Variants in CDH8 observed in about 807,000 individuals in gnomAD.
The protein encoded by CDH8 is cadherin 8.
CDH8 carries 17 observed loss-of-function variants against 68.1 expected under a neutral mutation model. The ratio of observed to expected loss-of-function variants is 0.25; its 90% CI spans 0.17 to 0.37. The LOEUF is 0.37. Ranked by LOEUF, CDH8 falls within the 10% of genes least tolerant of loss-of-function variation. CDH8 has a pLI of 1.00. For missense variants in CDH8, 763 were observed against 999.3 expected (o/e 0.76, Z 3.19); for synonymous variants, 372 against 365.1 (o/e 1.02, Z -0.21).
intron 3 of CDH8, among the ~76,000 whole-genome samples, chr16:61,888,615 C>T (rs1174048808): frequency 1.3e-5 from 2 of 152,070 alleles, no homozygotes; most frequent in African/African-American, 4.8e-5. Flanking sequence ...TAAAATTCAC[C>T]TCCTAAGGTT....
intron 2 of CDH8, among the ~76,000 whole-genome samples, chr16:61,911,664 G>A (rs1014166004): frequency 1.1e-4 from 16 of 150,452 alleles, no homozygotes; most frequent in African/African-American, 3.9e-4. Flanking sequence ...CTCTTGATAG[G>A]TAGATGAATA....
chr16:61,765,253 G>GA (rs922758389), intron 8 of CDH8, among the ~76,000 whole-genome samples: 60 of 151,860 alleles, frequency 4.0e-4, no homozygotes, highest in African/African-American at 1.2e-3. Flanking sequence ...AATTTTTCTA[G>GA]AAAAAAATAA....
At chr16:61,685,100 T>C (rs1414139803) in intron 10 of CDH8, among the ~76,000 whole-genome samples, 1 of 151,484 alleles carries the variant, frequency 6.6e-6, no homozygotes, top group Non-Finnish European at 1.5e-5. Flanking sequence ...GTTTCCTTGG[T>C]ACATCTTTGG....
At chr16:61,878,611 T>C (rs1044986756) in intron 3 of CDH8, among the ~76,000 whole-genome samples, 1 of 152,176 alleles carries the variant, frequency 6.6e-6, no homozygotes, top group Non-Finnish European at 1.5e-5. Flanking sequence ...GTAATGATGA[T>C]GATAATGATG....
At chr16:62,018,158 A>T (rs752669047) in intron 2 of CDH8, among the ~76,000 whole-genome samples, 1 of 152,234 alleles carries the variant, frequency 6.6e-6, no homozygotes, top group Admixed American at 6.5e-5. Flanking sequence ...GAAAGTGGCC[A>T]AGCTCATATT....
intron 7 of CDH8, among the ~76,000 whole-genome samples, chr16:61,810,228 T>C (rs1234330317): frequency 6.6e-6 from 1 of 152,304 alleles, no homozygotes; most frequent in East Asian, 1.9e-4. Flanking sequence ...GCTTTTGTTA[T>C]TATGCCTAAA....
chr16:61,665,449 A>G (rs569176284), intron 10 of CDH8, among the ~76,000 whole-genome samples: 15 of 152,170 alleles, frequency 9.9e-5, no homozygotes, highest in African/African-American at 1.9e-4. Context: ...TGGGATTTGA[A>G]CAATGAGAAC....
At chr16:61,704,792 G>A (rs1340878252) in intron 10 of CDH8, among the ~76,000 whole-genome samples, 1 of 152,126 alleles carries the variant, frequency 6.6e-6, no homozygotes, top group Non-Finnish European at 1.5e-5. Context: ...TCAGTATGTT[G>A]GGATAGATGA....
intron 2 of CDH8, among the ~76,000 whole-genome samples, chr16:61,975,099 G>A (rs1324352573): frequency 6.6e-6 from 1 of 152,110 alleles, no homozygotes; most frequent in Non-Finnish European, 1.5e-5. Context: ...GTGGTACAAA[G>A]AATTTCATTT....
chr16:61,988,866 AG>A (rs796467053), intron 2 of CDH8, among the ~76,000 whole-genome samples: 3 of 152,314 alleles, frequency 2.0e-5, no homozygotes, highest in African/African-American at 7.2e-5. Context: ...TAGGCTAAGC[AG>A]GAACATAAAG....
At chr16:61,849,278 T>C (rs1479702025) in intron 4 of CDH8, among the ~76,000 whole-genome samples, 2 of 151,774 alleles carry the variant, frequency 1.3e-5, no homozygotes, top group Non-Finnish European at 2.9e-5. Context: ...CCTGTCTTCT[T>C]ACTCCAAAAA....
chr16:61,712,993 G>A (rs1964659539), intron 10 of CDH8, among the ~76,000 whole-genome samples: 1 of 151,414 alleles, frequency 6.6e-6, no homozygotes, highest in Admixed American at 6.6e-5. Context: ...ACAGACCATT[G>A]AGAGACCTAA....
At chr16:61,933,547 T>A (rs965589721) in intron 2 of CDH8, among the ~76,000 whole-genome samples, 3 of 152,206 alleles carry the variant, frequency 2.0e-5, no homozygotes, top group Non-Finnish European at 4.4e-5. Flanking sequence ...TATATCTTTT[T>A]AAATATGTAG....
intron 2 of CDH8, among the ~76,000 whole-genome samples, chr16:61,980,295 C>G (rs1400701036): frequency 6.6e-6 from 1 of 152,130 alleles, no homozygotes; most frequent in African/African-American, 2.4e-5. Flanking sequence ...ATCTCTGTGC[C>G]AGAATGGAGG....
At chr16:61,908,537 A>G (rs1422185127) in intron 2 of CDH8, among the ~76,000 whole-genome samples, 1 of 152,200 alleles carries the variant, frequency 6.6e-6, no homozygotes, top group Non-Finnish European at 1.5e-5. Flanking sequence ...CTTCTTTCAT[A>G]CTACAGAATA....
At chr16:61,824,336 T>C (rs896334994) in intron 5 of CDH8, among the ~76,000 whole-genome samples, 3 of 151,892 alleles carry the variant, frequency 2.0e-5, no homozygotes, top group African/African-American at 7.2e-5. Flanking sequence ...GTTTTCACTT[T>C]TTCATGTTTC....
chr16:62,034,575 C>A (rs561897765), intron 1 of CDH8, among the ~76,000 whole-genome samples: 19 of 152,214 alleles, frequency 1.2e-4, no homozygotes, highest in Admixed American at 1.2e-3. Flanking sequence ...ACAGTACTCT[C>A]GCTTACCTTC....
intron 10 of CDH8, among the ~76,000 whole-genome samples, chr16:61,670,406 A>T (rs567945250): frequency 6.6e-6 from 1 of 152,202 alleles, no homozygotes; most frequent in East Asian, 1.9e-4. Flanking sequence ...TGAATGTGTA[A>T]CAAGAGATTC....
chr16:61,955,049 G>T (rs1964963467), intron 2 of CDH8, among the ~76,000 whole-genome samples: 1 of 152,206 alleles, frequency 6.6e-6, no homozygotes, highest in Admixed American at 6.5e-5. Context: ...GCATTACCAA[G>T]TCCATAGACC....
Sources: allele counts gnomAD v4.1 joint callset (sites outside exome capture counted in the v4.1 genomes callset), GRCh38; gene constraint gnomAD v4.1.1; transcripts MANE v1.5; gene names NCBI Gene and HGNC (gene_info 2026-07-23, HGNC 2026-07-21).